Variants in SDHC observed in about 807,000 individuals in gnomAD.
SDHC encodes the protein succinate dehydrogenase complex subunit C, also known as succinate dehydrogenase cytochrome b560 subunit, mitochondrial.
In SDHC, 11 loss-of-function variants were observed where a neutral mutation model predicts 22.6. The ratio of observed to expected loss-of-function variants is 0.49; its 90% confidence interval spans 0.31 to 0.81. SDHC has a LOEUF of 0.81. SDHC is among the 30% of genes least tolerant of loss of function. The pLI is 0.05. For missense variants in SDHC, 160 were observed against 212.0 expected, an observed-to-expected ratio of 0.75 and a Z score of 1.52; for synonymous variants, 80 against 77.8, an observed-to-expected ratio of 1.03 and a Z score of -0.15.
intron 4 of SDHC, among the ~76,000 whole-genome samples, chr1:161,342,856 A>G (rs1474506674): frequency 6.6e-6 from 1 of 152,206 alleles, no homozygotes; most frequent in Non-Finnish European, 1.5e-5. Flanking sequence ...TAGAATCGGT[A>G]TGAAATTATA....
chr1:161,342,130 A>G (rs1042928341), intron 4 of SDHC, among the ~76,000 whole-genome samples: 1 of 152,202 alleles, frequency 6.6e-6, no homozygotes, highest in African/African-American at 2.4e-5. Context: ...TGATGTGATT[A>G]CTAGTTTAGC....
chr1:161,316,971 A>G (rs1035496986), intron 1 of SDHC, among the ~76,000 whole-genome samples: 1 of 148,948 alleles, frequency 6.7e-6, no homozygotes, highest in African/African-American at 2.5e-5. Flanking sequence ...TATTGGTTAA[A>G]CTTTTCTTTT....
At chr1:161,353,009 G>A (rs1464199403) in intron 4 of SDHC, among the ~76,000 whole-genome samples, 1 of 152,102 alleles carries the variant, frequency 6.6e-6, no homozygotes, top group Non-Finnish European at 1.5e-5. Flanking sequence ...AAAAATTGGT[G>A]TGGGGGTATG....
At chr1:161,321,438 C>T (rs72714967) in intron 1 of SDHC, among the ~76,000 whole-genome samples, 7,377 of 152,244 alleles carry the variant, frequency 0.048, 282 homozygotes, top group Middle Eastern at 0.075. Flanking sequence ...GAAACAATAG[C>T]GCTAGACAGA....
intron 4 of SDHC, among the ~76,000 whole-genome samples, chr1:161,345,808 G>A (rs1671872374): frequency 6.7e-6 from 1 of 149,284 alleles, no homozygotes; most frequent in East Asian, 2.0e-4. Context: ...TTTTTGTTTT[G>A]TTTTTTGTTT....
chr1:161,339,665 T>TTTTTTTTGTTTGTTTG (rs1671642566), intron 3 of SDHC: 4 of 137,306 alleles, frequency 2.9e-5, no homozygotes, highest in African/African-American at 2.6e-4. Context: ...TACAGGTGTT[T>TTTTTTTTGTTTGTTTG]TTTTTTTTTT....
At chr1:161,339,024 A>G (rs2102331156) in intron 3 of SDHC, among the ~76,000 whole-genome samples, 1 of 151,412 alleles carries the variant, frequency 6.6e-6, no homozygotes, top group East Asian at 1.9e-4. Flanking sequence ...AAATTTTTGT[A>G]TTTTTAGTAG....
Position 161,330,372 on chromosome 1 carries a change from T to A in SDHC, c.179+1875T>A, listed in dbSNP as rs545798710. On this transcript the variant is annotated intron_variant, in intron 3 of 5. Transcript: ENST00000367975. ...ATACAGTGGTGGGACAGACATAGGA[T>A]AACAACTGTAGACATTCCTGCTCAA... 5.3e-5 allele frequency among the ~76,000 whole-genome samples: 8 copies of A among 152,270 alleles called. No homozygotes were observed. In the East Asian group the frequency reaches 1.5e-3, roughly 29 times the overall value.
intron 4 of SDHC, among the ~76,000 whole-genome samples, chr1:161,352,555 C>G (rs116434772): frequency 0.021 from 3,153 of 152,284 alleles, 104 homozygotes; most frequent in African/African-American, 0.072. Context: ...GAGACTGTAT[C>G]ATTTTATGTT....
At chr1:161,315,763 G>T (rs1670586365) in intron 1 of SDHC, among the ~76,000 whole-genome samples, 1 of 152,138 alleles carries the variant, frequency 6.6e-6, no homozygotes, top group Admixed American at 6.5e-5. Flanking sequence ...GGTGGAACGA[G>T]AGACTTGGAA....
chr1:161,340,026 G>A (rs1208576341), intron 3 of SDHC, among the ~76,000 whole-genome samples: 1 of 152,084 alleles, frequency 6.6e-6, no homozygotes, highest in Non-Finnish European at 1.5e-5. Context: ...GCTGGGCACA[G>A]TGGCTCACAC....
rs1000828155 is a variant in SDHC, at chr1:161,363,206, A to G, written c.*773A>G. On this transcript the variant is annotated 3_prime_UTR_variant, in exon 6 of 6. Coordinates refer to ENST00000367975, the MANE Select transcript of SDHC (RefSeq NM_003001.5). ...CATTTTATCTTTGACTCTCCTTGAA[A>G]TCTAGAGAAACCAAGAAAATGGCTG... 2.6e-5 allele frequency: 6 copies of G among 233,382 alleles called. No individual in the cohort carries two copies. The East Asian group carries it at 3.6e-4, about 14-fold the overall frequency. The allele number at this position is 233,382 out of a possible 1,614,324, so 14.5% of individuals were successfully genotyped here.
At chr1:161,360,812 A>G (rs1672481731) in intron 5 of SDHC, among the ~76,000 whole-genome samples, 1 of 151,010 alleles carries the variant, frequency 6.6e-6, no homozygotes, top group Non-Finnish European at 1.5e-5. Context: ...ATTTAAATAG[A>G]ATAGAAAATA....
intron 1 of SDHC, chr1:161,314,723 C>T (rs987529456): frequency 6.2e-6 from 3 of 481,786 alleles, no homozygotes; most frequent in Non-Finnish European, 1.1e-5. Context: ...GGGCCTGCAC[C>T]CAGAGCCGAG....
At chr1:161,356,106 C>T (rs185621156) in intron 4 of SDHC, among the ~76,000 whole-genome samples, 122 of 151,582 alleles carry the variant, frequency 8.0e-4, no homozygotes, top group African/African-American at 2.9e-3. Context: ...GGCTTGATGT[C>T]TAAACTGGCA....
At chr1:161,356,888 A>C (rs1209590309) in intron 5 of SDHC, 48 bp downstream of exon 5, 1 of 1,562,584 alleles carries the variant, frequency 6.4e-7, no homozygotes, top group Admixed American at 1.7e-5. Context: ...GGGAGTGGGG[A>C]GACTGGGAGG....
At chr1:161,350,057 C>T (rs369511193) in intron 4 of SDHC, among the ~76,000 whole-genome samples, 99 of 152,150 alleles carry the variant, frequency 6.5e-4, no homozygotes, top group African/African-American at 2.2e-3. Flanking sequence ...ATTACAGGCA[C>T]GCGTCACCAT....
chr1:161,320,850 T>A (rs1670811556), intron 1 of SDHC, among the ~76,000 whole-genome samples: 1 of 150,844 alleles, frequency 6.6e-6, no homozygotes, highest in Non-Finnish European at 1.5e-5. Flanking sequence ...TTTTTTGAGA[T>A]GGAGTCCCGC....
At chr1:161,316,020 C>G (rs566819986) in intron 1 of SDHC, among the ~76,000 whole-genome samples, 2 of 152,298 alleles carry the variant, frequency 1.3e-5, no homozygotes, top group East Asian at 3.9e-4. Flanking sequence ...ATAAACATCT[C>G]AATGCCTTGA....
Sources: gnomAD v4.1 joint callset for allele counts (sites outside exome capture counted in the v4.1 genomes callset) on GRCh38, gnomAD v4.1.1 for gene constraint, MANE v1.5 for transcripts, NCBI Gene and HGNC (gene_info 2026-07-23, HGNC 2026-07-21) for gene names.